Variants in DSCAML1 observed in about 807,000 individuals in gnomAD.
DSCAML1 encodes the protein DS cell adhesion molecule like 1.
In DSCAML1, 38 loss-of-function variants were observed where a neutral mutation model predicts 200.5. That is an observed-to-expected ratio of 0.19 (90% CI 0.15 to 0.25). DSCAML1 has a LOEUF of 0.25. DSCAML1 is among the 10% of genes least tolerant of loss of function. DSCAML1 has a pLI of 1.00. For synonymous variants in DSCAML1, 1,215 were observed against 1,165.0 expected, an observed-to-expected ratio of 1.04 and a Z score of -0.87; for missense variants, 2,223 against 2,858.8, an observed-to-expected ratio of 0.78 and a Z score of 5.07.
chr11:117,646,904 T>A (rs1187834179), intron 3 of DSCAML1, among the ~76,000 whole-genome samples: 1 of 151,694 alleles, frequency 6.6e-6, no homozygotes, highest in Non-Finnish European at 1.5e-5. Context: ...CCAAAGGAAT[T>A]CATCACAAAT....
chr11:117,491,684 G>A (rs1565736063), intron 11 of DSCAML1, among the ~76,000 whole-genome samples: 1 of 152,220 alleles, frequency 6.6e-6, no homozygotes, highest in Non-Finnish European at 1.5e-5. Flanking sequence ...TGAGGTGGGA[G>A]GATTGCTTGC....
At chr11:117,797,326 G>A (rs894980424), upstream of DSCAML1, 1 of 1,277,352 alleles carries the variant, frequency 7.8e-7, no homozygotes, top group South Asian at 2.3e-5. Flanking sequence ...TGAGCGCCGC[G>A]CGAGCCCGGA....
intron 19 of DSCAML1, among the ~76,000 whole-genome samples, chr11:117,457,856 G>C (rs1301594569): frequency 6.6e-6 from 1 of 152,164 alleles, no homozygotes; most frequent in Non-Finnish European, 1.5e-5. Flanking sequence ...AAAAACTAAG[G>C]GTGAGTGGAA....
At chr11:117,481,507 TAGGGGAGTGGGAGGGGCTGAGGGGGTCCC>T (rs1243067051) in intron 12 of DSCAML1, among the ~76,000 whole-genome samples, 16 of 112,868 alleles carry the variant, frequency 1.4e-4, no homozygotes, top group African/African-American at 3.7e-4. Context: ...TGAGGAGTCC[TAGGGGAGTGGGAGGGGCTGAGGGGGTCCC>T]AGGGGAGTGG....
At chr11:117,558,228 C>T (rs1328582487) in intron 3 of DSCAML1, among the ~76,000 whole-genome samples, 1 of 152,130 alleles carries the variant, frequency 6.6e-6, no homozygotes, top group Non-Finnish European at 1.5e-5. Context: ...CCAGCACCTA[C>T]AGGCACCACA....
chr11:117,608,250 T>C (rs1031010373), intron 3 of DSCAML1, among the ~76,000 whole-genome samples: 4 of 152,254 alleles, frequency 2.6e-5, no homozygotes, highest in African/African-American at 7.2e-5. Flanking sequence ...TGCCAGTACT[T>C]AATGATCTGA....
intron 3 of DSCAML1, among the ~76,000 whole-genome samples, chr11:117,734,583 C>T (rs886692716): frequency 1.3e-5 from 2 of 152,198 alleles, no homozygotes; most frequent in Non-Finnish European, 2.9e-5. Context: ...TTCTCAGAGC[C>T]CCATCCCTGC....
At chr11:117,477,006 T>C (rs1259511962) in intron 14 of DSCAML1, among the ~76,000 whole-genome samples, 1 of 152,100 alleles carries the variant, frequency 6.6e-6, no homozygotes, top group East Asian at 1.9e-4. Flanking sequence ...ATGTATGTCA[T>C]CACACTCCCC....
At chr11:117,634,440 G>A (rs1164739334) in intron 3 of DSCAML1, among the ~76,000 whole-genome samples, 1 of 152,138 alleles carries the variant, frequency 6.6e-6, no homozygotes, top group Non-Finnish European at 1.5e-5. Context: ...GTCTGGCTTG[G>A]CAAGACAGCC....
rs937657504 is a variant in DSCAML1 at position 117,441,033 on chromosome 11, C to T, written c.3863-1097G>A. On this transcript the variant is annotated intron_variant, in intron 21 of 32. Coordinates refer to ENST00000651296, the MANE Select transcript of DSCAML1 (RefSeq NM_020693.4). ...GGAGGGGGTCCTGGAGGACACAGAA[C>T]GTGACAGGATGGTGGCCAGAATGCA... Among the ~76,000 whole-genome samples, 6 of 150,832 alleles carry T rather than the reference C, an allele frequency of 4.0e-5. No individual in the cohort carries two copies. In the South Asian group the frequency reaches 1.0e-3, roughly 26 times the overall value.
intron 3 of DSCAML1, among the ~76,000 whole-genome samples, chr11:117,644,404 G>A (rs1406455140): frequency 1.3e-5 from 2 of 152,212 alleles, no homozygotes; most frequent in South Asian, 2.1e-4. Flanking sequence ...CAATGTATCC[G>A]ACCTGCTCCC....
intron 19 of DSCAML1, among the ~76,000 whole-genome samples, chr11:117,451,607 C>T (rs959457076): frequency 1.3e-5 from 2 of 152,204 alleles, no homozygotes; most frequent in South Asian, 2.1e-4. Flanking sequence ...GCGGATCCCC[C>T]GAGGTCAGGA....
At chr11:117,653,330 C>T (rs528394798) in intron 3 of DSCAML1, among the ~76,000 whole-genome samples, 2 of 152,274 alleles carry the variant, frequency 1.3e-5, no homozygotes, top group South Asian at 2.1e-4. Context: ...GATGATCTCC[C>T]GTGGAGGCCA....
intron 3 of DSCAML1, among the ~76,000 whole-genome samples, chr11:117,584,795 T>C (rs1230824816): frequency 6.6e-6 from 1 of 152,206 alleles, no homozygotes; most frequent in African/African-American, 2.4e-5. Context: ...AACTGCAATA[T>C]AGTGGCATAG....
chr11:117,666,893 T>C (rs2052987403), intron 3 of DSCAML1, among the ~76,000 whole-genome samples: 2 of 152,078 alleles, frequency 1.3e-5, no homozygotes, highest in Non-Finnish European at 2.9e-5. Flanking sequence ...CGTGGTAAGC[T>C]CTCCATAATG....
At chr11:117,803,077 C>T (rs2055675868) in intron 1 of DSCAML1, among the ~76,000 whole-genome samples, 1 of 151,900 alleles carries the variant, frequency 6.6e-6, no homozygotes, top group Non-Finnish European at 1.5e-5. Context: ...GGGGATCTGA[C>T]TCTGGCTTGG....
intron 3 of DSCAML1, 122 bp from the exon 4 acceptor site, chr11:117,532,644 G>C (rs2050103640): frequency 2.9e-6 from 3 of 1,025,932 alleles, no homozygotes; most frequent in Non-Finnish European, 4.2e-6. Flanking sequence ...AGAAATGGTA[G>C]TAATTGTTCC....
intron 3 of DSCAML1, among the ~76,000 whole-genome samples, chr11:117,712,730 T>G (rs1236087857): frequency 6.6e-6 from 1 of 151,938 alleles, no homozygotes; most frequent in African/African-American, 2.4e-5. Flanking sequence ...GCTCAATCAC[T>G]CTGCTCACCA....
At chr11:117,600,595 A>G (rs1311958049) in intron 3 of DSCAML1, among the ~76,000 whole-genome samples, 1 of 152,068 alleles carries the variant, frequency 6.6e-6, no homozygotes, top group East Asian at 1.9e-4. Flanking sequence ...TCCCCACCAG[A>G]GGAGGGAGGA....
Sources: gnomAD v4.1 joint callset for allele counts (sites outside exome capture counted in the v4.1 genomes callset) on GRCh38, gnomAD v4.1.1 for gene constraint, MANE v1.5 for transcripts, NCBI Gene and HGNC (gene_info 2026-07-23, HGNC 2026-07-21) for gene names.